The following KCNC2 variants were observed in gnomAD, a reference collection of about 807,000 sequenced individuals.
The protein encoded by KCNC2 is potassium voltage-gated channel subfamily C member 2, also known as voltage-gated potassium channel KCNC2.
Under a neutral mutation model 44.5 loss-of-function variants are expected in KCNC2, and 21 were observed. That is an observed-to-expected ratio of 0.47 (90% CI 0.33 to 0.68). KCNC2 has a LOEUF of 0.68. Among genes scored for constraint, KCNC2 ranks in the 30% least tolerant of loss-of-function variants. KCNC2 has a pLI of 0.01. For synonymous variants in KCNC2, 391 were observed against 339.1 expected, an observed-to-expected ratio of 1.15 and a Z score of -1.68; for missense variants, 589 against 826.2, an observed-to-expected ratio of 0.71 and a Z score of 3.52.
intron 2 of KCNC2, among the ~76,000 whole-genome samples, chr12:75,121,854 A>G (rs1888067094): frequency 6.6e-6 from 1 of 152,154 alleles, no homozygotes; most frequent in African/African-American, 2.4e-5. Context: ...CTTTACAGAA[A>G]AGAAAAGTGA....
At chr12:75,146,527 C>T (rs1423040539) in intron 2 of KCNC2, among the ~76,000 whole-genome samples, 1 of 152,000 alleles carries the variant, frequency 6.6e-6, no homozygotes, top group Non-Finnish European at 1.5e-5. Context: ...ATGTGTAAAC[C>T]ACACTTTATT....
chr12:75,104,695 T>C (rs2137198566), intron 2 of KCNC2, among the ~76,000 whole-genome samples: 1 of 152,248 alleles, frequency 6.6e-6, no homozygotes, highest in Admixed American at 6.5e-5. Flanking sequence ...TTTTCAAATA[T>C]CAATTTATTT....
chr12:75,120,066 C>T (rs1454357205), intron 2 of KCNC2, among the ~76,000 whole-genome samples: 2 of 152,104 alleles, frequency 1.3e-5, no homozygotes, highest in Admixed American at 6.5e-5. Context: ...TAATATAAGA[C>T]TGGGGATTCA....
chr12:75,089,059 C>T (rs562160854), intron 2 of KCNC2, among the ~76,000 whole-genome samples: 3 of 151,770 alleles, frequency 2.0e-5, no homozygotes, highest in Non-Finnish European at 2.9e-5. Context: ...GGAAGATTGA[C>T]TACAAATGTT....
At chr12:75,153,369 C>T (rs1890537120) in intron 2 of KCNC2, among the ~76,000 whole-genome samples, 1 of 151,926 alleles carries the variant, frequency 6.6e-6, no homozygotes, top group South Asian at 2.1e-4. Flanking sequence ...TAACATTTGA[C>T]TCCCACAAAT....
chr12:75,208,115 A>T (rs2137834059), intron 1 of KCNC2, 113 bp from the exon 2 acceptor site: 1 of 1,289,238 alleles, frequency 7.8e-7, no homozygotes, highest in Middle Eastern at 2.1e-4. Flanking sequence ...GCAGACAGGC[A>T]CGGGGCAAAG....
At chr12:75,077,865 G>A (rs1017035164) in intron 2 of KCNC2, among the ~76,000 whole-genome samples, 3 of 152,026 alleles carry the variant, frequency 2.0e-5, no homozygotes, top group Non-Finnish European at 4.4e-5. Context: ...AAGTTTAGAA[G>A]TAGAAACACA....
intron 2 of KCNC2, among the ~76,000 whole-genome samples, chr12:75,126,192 C>T (rs983878055): frequency 6.6e-6 from 1 of 152,122 alleles, no homozygotes; most frequent in Non-Finnish European, 1.5e-5. Context: ...ACATGAATTA[C>T]TTTCAAATGC....
chr12:75,065,652 C>T (rs190185826), intron 2 of KCNC2, among the ~76,000 whole-genome samples: 9 of 152,102 alleles, frequency 5.9e-5, no homozygotes, highest in Admixed American at 3.9e-4. Flanking sequence ...AGGTTTGTAG[C>T]TTAAAAGGAT....
At chr12:75,072,621 C>A (rs935646195) in intron 2 of KCNC2, among the ~76,000 whole-genome samples, 4 of 151,852 alleles carry the variant, frequency 2.6e-5, no homozygotes, top group South Asian at 2.1e-4. Context: ...AAAGAAAAAT[C>A]AAGTAAGTCC....
At chr12:75,071,232 G>A (rs1044545404) in intron 2 of KCNC2, among the ~76,000 whole-genome samples, 3 of 151,918 alleles carry the variant, frequency 2.0e-5, no homozygotes, top group Non-Finnish European at 2.9e-5. Flanking sequence ...TAATGCCAGC[G>A]TCTCTTGTAG....
At chr12:75,186,575 T>C (rs1440281226) in intron 2 of KCNC2, among the ~76,000 whole-genome samples, 1 of 152,238 alleles carries the variant, frequency 6.6e-6, no homozygotes, top group African/African-American at 2.4e-5. Context: ...CAAGGGACAC[T>C]TTTATGCAAC....
At chr12:75,117,169 G>A (rs1332584228) in intron 2 of KCNC2, among the ~76,000 whole-genome samples, 2 of 152,118 alleles carry the variant, frequency 1.3e-5, no homozygotes, top group African/African-American at 4.8e-5. Context: ...TCTGTACACT[G>A]AGAAGCTTCT....
intron 4 of KCNC2, chr12:75,043,917 G>C: frequency 1.5e-6 from 1 of 677,558 alleles, no homozygotes; most frequent in Non-Finnish European, 2.3e-6. Flanking sequence ...GATGTTTTCA[G>C]CTGATTTCCA....
chr12:75,091,253 C>T (rs1024438230), intron 2 of KCNC2, among the ~76,000 whole-genome samples: 5 of 151,528 alleles, frequency 3.3e-5, no homozygotes, highest in African/African-American at 1.2e-4. Flanking sequence ...TTTTATTATC[C>T]TTCATTTGAA....
chr12:75,149,555 G>A (rs574157475), intron 2 of KCNC2, among the ~76,000 whole-genome samples: 6 of 151,656 alleles, frequency 4.0e-5, no homozygotes, highest in African/African-American at 4.8e-5. Flanking sequence ...AATGATCAGC[G>A]GATGTGGTAT....
intron 2 of KCNC2, among the ~76,000 whole-genome samples, chr12:75,165,373 A>G (rs1891378891): frequency 6.6e-6 from 1 of 151,458 alleles, no homozygotes; most frequent in African/African-American, 2.4e-5. Flanking sequence ...TACTAATCCA[A>G]AACATTCTAT....
At chr12:75,050,285 G>A in intron 3 of KCNC2, 105 bp downstream of exon 3, 3 of 868,612 alleles carry the variant, frequency 3.5e-6, no homozygotes, top group Non-Finnish European at 5.5e-6. Flanking sequence ...GGTTAGGGCT[G>A]AAAACTCATG....
At chr12:75,068,732 T>A (rs1333681382) in intron 2 of KCNC2, among the ~76,000 whole-genome samples, 1 of 148,738 alleles carries the variant, frequency 6.7e-6, no homozygotes, top group East Asian at 1.9e-4. Context: ...TTAAAATAGG[T>A]CTTTGGGTTT....
Sources: gnomAD v4.1 joint callset for allele counts (sites outside exome capture counted in the v4.1 genomes callset) on GRCh38, gnomAD v4.1.1 for gene constraint, MANE v1.5 for transcripts, NCBI Gene and HGNC (gene_info 2026-07-23, HGNC 2026-07-21) for gene names.